Variants in LGR5 observed in about 807,000 individuals in gnomAD.
LGR5 encodes the protein leucine-rich repeat-containing G protein-coupled receptor 5.
LGR5 carries 54 observed loss-of-function variants against 76.7 expected under a neutral mutation model. That is an observed-to-expected ratio of 0.70 (90% confidence interval 0.57 to 0.88). The LOEUF is 0.88. Among genes scored for constraint, LGR5 ranks in the 40% least tolerant of loss-of-function variants. The probability of loss-of-function intolerance (pLI) is 0.00; values close to 1 mark genes in which losing one functional copy is unlikely to be tolerated. For missense variants in LGR5, 1,078 were observed against 1,073.3 expected (o/e 1.00, Z -0.06); for synonymous variants, 406 against 421.9 (o/e 0.96, Z 0.46).
intron 5 of LGR5, among the ~76,000 whole-genome samples, chr12:71,554,395 CA>C (rs1877656134): frequency 6.6e-6 from 1 of 152,078 alleles, no homozygotes; most frequent in Non-Finnish European, 1.5e-5. Context: ...TCTTGAACAC[CA>C]ATCTTATGTT....
At chr12:71,545,323 C>T (rs888116989) in intron 4 of LGR5, among the ~76,000 whole-genome samples, 1 of 151,970 alleles carries the variant, frequency 6.6e-6, no homozygotes, top group Non-Finnish European at 1.5e-5. Flanking sequence ...TGGTGTACAC[C>T]TGTGGTCCCA....
chr12:71,466,880 C>G (rs1872888174), intron 1 of LGR5, among the ~76,000 whole-genome samples: 1 of 152,024 alleles, frequency 6.6e-6, no homozygotes, highest in South Asian at 2.1e-4. Flanking sequence ...TGGAAATAGG[C>G]AGAATGCATC....
At chr12:71,486,285 A>G (rs1873823650) in intron 1 of LGR5, among the ~76,000 whole-genome samples, 1 of 152,192 alleles carries the variant, frequency 6.6e-6, no homozygotes, top group South Asian at 2.1e-4. Flanking sequence ...TTAGAGTCAT[A>G]TCGCTGCCAT....
intron 4 of LGR5, among the ~76,000 whole-genome samples, chr12:71,544,536 TA>T (rs75222528): frequency 0.072 from 10,124 of 140,698 alleles, 363 homozygotes; most frequent in African/African-American, 0.11. Flanking sequence ...CCATAAATAT[TA>T]AAAAAAAAAA....
At chr12:71,457,631 G>A (rs888363113) in intron 1 of LGR5, among the ~76,000 whole-genome samples, 1 of 152,152 alleles carries the variant, frequency 6.6e-6, no homozygotes, top group African/African-American at 2.4e-5. Context: ...TTAGTGCTAT[G>A]TAACTAAACA....
At chr12:71,506,796 G>A (rs58321260) in intron 2 of LGR5, among the ~76,000 whole-genome samples, 3,443 of 152,124 alleles carry the variant, frequency 0.023, 136 homozygotes, top group African/African-American at 0.079. Flanking sequence ...TTCATTTAGC[G>A]GCAAAAGAAG....
chr12:71,543,782 A>G (rs1877000793), intron 4 of LGR5, among the ~76,000 whole-genome samples: 1 of 152,240 alleles, frequency 6.6e-6, no homozygotes, highest in Non-Finnish European at 1.5e-5. Context: ...AGAATTAACT[A>G]GACAGTGGAA....
At position 71,449,271 on chromosome 12, in the gene LGR5, T is replaced by C. The variant is rs544219290; in HGVS notation, c.212+8979T>C. ...TAAGTATCAACTCCAGTCACCAAAA[T>C]TGGGGTCTCTGATTTTAATTTGGAA... On this transcript the variant is annotated intron_variant, in intron 1 of 17. Transcript: ENST00000266674. Among the ~76,000 whole-genome samples, 3 of 152,232 alleles carry C rather than the reference T, an allele frequency of 2.0e-5. No individual in the cohort carries two copies. In the South Asian group the frequency reaches 6.2e-4, roughly 32 times the overall value.
chr12:71,471,975 T>A (rs1314431109), intron 1 of LGR5, among the ~76,000 whole-genome samples: 1 of 152,202 alleles, frequency 6.6e-6, no homozygotes, highest in East Asian at 1.9e-4. Context: ...TTCAGAATGA[T>A]AAAATAAACT....
chr12:71,560,673 T>C (rs1042084137), intron 7 of LGR5, among the ~76,000 whole-genome samples: 1 of 152,178 alleles, frequency 6.6e-6, no homozygotes, highest in African/African-American at 2.4e-5. Context: ...ATGCCTATAA[T>C]CCCAGCTTCT....
In LGR5 at chr12:71,586,220, A is replaced by G. The variant is rs1408687662; in HGVS notation, c.*1486A>G. 6.6e-6 allele frequency: 1 copy of G among 152,098 alleles called. No homozygotes were observed. Among genetic ancestry groups the G allele is most frequent in the Non-Finnish European group, 1.5e-5 (1 of 68,006 alleles). 9.4% of individuals were successfully genotyped at this position (152,098 alleles called of 1,614,324 possible). A position where few individuals can be genotyped will look rare whatever the true frequency, so the allele number is the denominator to read the frequency against. On this transcript the variant is annotated 3_prime_UTR_variant, in exon 18 of 18. Coordinates refer to ENST00000266674, the MANE Select transcript of LGR5 (RefSeq NM_003667.4). ...TTAAATTCATTAACTGTATATATGT[A>G]AATATATAGTACTTGTAAATAGATT...
At chr12:71,520,729 CG>C (rs1347935490) in intron 2 of LGR5, among the ~76,000 whole-genome samples, 1 of 58,980 alleles carries the variant, frequency 1.7e-5, no homozygotes. Context: ...GAATGGGGGA[CG>C]GGGGGAGGGA....
intron 2 of LGR5, among the ~76,000 whole-genome samples, chr12:71,521,677 G>A (rs985939964): frequency 2.0e-5 from 3 of 152,098 alleles, no homozygotes; most frequent in Non-Finnish European, 2.9e-5. Flanking sequence ...ATTCTGGGTC[G>A]GGAAATTATT....
At chr12:71,450,096 G>A (rs192567438) in intron 1 of LGR5, among the ~76,000 whole-genome samples, 2 of 152,164 alleles carry the variant, frequency 1.3e-5, no homozygotes, top group Admixed American at 1.3e-4. Context: ...ATTCATAAGG[G>A]GTTAATGACA....
Position 71,554,884 on chromosome 12 carries a change from T to C in LGR5, c.644+1596T>C, listed in dbSNP as rs1877680141. On this transcript the variant is annotated intron_variant, in intron 5 of 17. Coordinates refer to ENST00000266674, the MANE Select transcript of LGR5 (RefSeq NM_003667.4). ...TCAGTTTTCTTTAAAAATGTAGCAGTATGACCCCCACATGTATAATATAAT... is the reference window on the plus strand; with the variant it reads ...TCAGTTTTCTTTAAAAATGTAGCAGCATGACCCCCACATGTATAATATAAT... Among the ~76,000 whole-genome samples the C allele has an allele frequency of 6.6e-5, 10 of 152,322 alleles. No homozygotes were observed. The South Asian group carries it at 2.1e-3, about 32-fold the overall frequency.
In LGR5 at chr12:71,460,445, G is replaced by C. The variant is rs550643476; in HGVS notation, c.212+20153G>C. Reference sequence around the variant, plus strand: ...AGCACATCAAGCTTCTGAGTCTCAGGGTTTTCATCTCACTCTGTTATTGAT... The same window carrying C: ...AGCACATCAAGCTTCTGAGTCTCAGCGTTTTCATCTCACTCTGTTATTGAT... On this transcript the variant is annotated intron_variant, in intron 1 of 17. Transcript: ENST00000266674. Among the ~76,000 whole-genome samples, 35 of 152,104 alleles carry C rather than the reference G, an allele frequency of 2.3e-4. 1 individual carries two copies. In the South Asian group the frequency reaches 6.9e-3, roughly 30 times the overall value.
chr12:71,549,278 G>A (rs150944337), intron 4 of LGR5, among the ~76,000 whole-genome samples: 2 of 132,432 alleles, frequency 1.5e-5, no homozygotes, highest in South Asian at 2.5e-4. Context: ...AATAGTGGTC[G>A]CCAGGGGCTG....
rs1174749413 is a variant in LGR5, at chr12:71,450,689, T to TA, written c.212+10399dup. 2.0e-5 allele frequency among the ~76,000 whole-genome samples: 3 copies of TA among 152,296 alleles called. No individual in the cohort carries two copies. The South Asian group carries it at 6.2e-4, about 32-fold the overall frequency. On this transcript the variant is annotated intron_variant, in intron 1 of 17. Coordinates refer to ENST00000266674, the MANE Select transcript of LGR5 (RefSeq NM_003667.4). ...TTATTTGATCACATTTTGGTTGCCTTAATGTCTCTTCTAACTGTTCTCTTT... is the reference window on the plus strand; with the variant it reads ...TTATTTGATCACATTTTGGTTGCCTTAAATGTCTCTTCTAACTGTTCTCTTT...
intron 1 of LGR5, chr12:71,441,567 C>T (rs1871770736): frequency 6.6e-6 from 1 of 152,128 alleles, no homozygotes; most frequent in Non-Finnish European, 1.5e-5. Context: ...CAACATTTTC[C>T]ACTAGGTAGT....
Sources: gnomAD v4.1 joint callset for allele counts (sites outside exome capture counted in the v4.1 genomes callset) on GRCh38, gnomAD v4.1.1 for gene constraint, MANE v1.5 for transcripts, NCBI Gene and HGNC (gene_info 2026-07-23, HGNC 2026-07-21) for gene names.